Variants in FHIT observed in about 807,000 individuals in gnomAD.
FHIT encodes the protein fragile histidine triad diadenosine triphosphatase.
In FHIT, 19 loss-of-function variants were observed where a neutral mutation model predicts 17.9. The observed-to-expected ratio is 1.06, with a 90% CI of 0.74 to 1.56. FHIT has a LOEUF of 1.56. FHIT is among the 40% of genes most tolerant of loss of function. The probability of loss-of-function intolerance (pLI) is 0.00; values close to 1 mark genes in which losing one functional copy is unlikely to be tolerated. For missense variants in FHIT, 248 were observed against 189.2 expected (o/e 1.31, Z -1.82); for synonymous variants, 81 against 69.7 (o/e 1.16, Z -0.81).
intron 5 of FHIT, among the ~76,000 whole-genome samples, chr3:60,489,075 A>T (rs2033959600): frequency 6.6e-6 from 1 of 152,228 alleles, no homozygotes; most frequent in African/African-American, 2.4e-5. Context: ...AGTGCTAAAA[A>T]GTAGACATTT....
rs370214246 is a variant in FHIT at position 60,190,614 on chromosome 3, G to C, written c.104-176462C>G. 4.6e-5 allele frequency among the ~76,000 whole-genome samples: 7 copies of C among 151,984 alleles called. No individual in the cohort carries two copies. The East Asian group carries it at 5.8e-4, about 13-fold the overall frequency. ...AAATACAACATCACTGGGGACTGTTGTGGGGTGGGGGAGCAGGGAGGGATA... is the reference window on the plus strand; with the variant it reads ...AAATACAACATCACTGGGGACTGTTCTGGGGTGGGGGAGCAGGGAGGGATA... On this transcript the variant is annotated intron_variant, in intron 5 of 9. Transcript: ENST00000492590.
intron 3 of FHIT, among the ~76,000 whole-genome samples, chr3:60,889,726 A>G (rs1169937881): frequency 6.6e-6 from 1 of 152,344 alleles, no homozygotes; most frequent in Non-Finnish European, 1.5e-5. Context: ...TAGGCTCAAA[A>G]TAAATATTGA....
At chr3:60,234,498 A>C (rs1276930477) in intron 5 of FHIT, among the ~76,000 whole-genome samples, 1 of 152,174 alleles carries the variant, frequency 6.6e-6, no homozygotes, top group Non-Finnish European at 1.5e-5. Context: ...TTGTTGGCTT[A>C]TATGTAAGGA....
At chr3:60,453,957 T>A (rs1559927343) in intron 5 of FHIT, among the ~76,000 whole-genome samples, 1 of 151,892 alleles carries the variant, frequency 6.6e-6, no homozygotes. Context: ...GGGTCTTCAA[T>A]CTCTATGAGA....
At chr3:60,183,027 T>C (rs1576268437) in intron 5 of FHIT, among the ~76,000 whole-genome samples, 1 of 152,144 alleles carries the variant, frequency 6.6e-6, no homozygotes, top group East Asian at 1.9e-4. Context: ...AAAAAGGATA[T>C]GTAGTTCTTT....
chr3:59,860,366 G>A (rs1702354317), intron 8 of FHIT, among the ~76,000 whole-genome samples: 2 of 152,190 alleles, frequency 1.3e-5, no homozygotes, highest in African/African-American at 4.8e-5. Flanking sequence ...TATGCAAGGA[G>A]AAAAACTGAT....
intron 5 of FHIT, among the ~76,000 whole-genome samples, chr3:60,417,045 C>T (rs1161956926): frequency 6.6e-6 from 1 of 150,426 alleles, no homozygotes; most frequent in Non-Finnish European, 1.5e-5. Context: ...GCCGAGATCG[C>T]ACCACTGCAC....
At chr3:60,229,773 C>T (rs1021581457) in intron 5 of FHIT, among the ~76,000 whole-genome samples, 2 of 152,138 alleles carry the variant, frequency 1.3e-5, no homozygotes, top group African/African-American at 4.8e-5. Flanking sequence ...CATGGCCAGG[C>T]ATTGAAGACT....
intron 5 of FHIT, among the ~76,000 whole-genome samples, chr3:60,214,219 A>G (rs1028482027): frequency 6.6e-6 from 1 of 152,144 alleles, no homozygotes; most frequent in African/African-American, 2.4e-5. Flanking sequence ...CTTACAAACA[A>G]GCAACAAATT....
At chr3:59,975,788 T>C (rs17253376) in intron 7 of FHIT, among the ~76,000 whole-genome samples, 14,794 of 152,102 alleles carry the variant, frequency 0.097, 909 homozygotes, top group Admixed American at 0.14. Flanking sequence ...ACACTTCTTA[T>C]AGCAGATCTA....
intron 5 of FHIT, 22 bp downstream of exon 5, chr3:60,536,838 C>CAAA (rs751354648): frequency 1.3e-5 from 15 of 1,184,508 alleles, no homozygotes; most frequent in South Asian, 6.3e-5. Flanking sequence ...TTTCCCTCTC[C>CAAA]AAAAAAAAAA....
Position 59,749,219 on chromosome 3 carries a change from T to A in FHIT, c.*366A>T, listed in dbSNP as rs535466439. ...GGGAAGAAATAAGCAGGTGGACCAA[T>A]CCAACGATTGAATTTCCTTTAAAAA... On this transcript the variant is annotated 3_prime_UTR_variant, in exon 10 of 10. Coordinates refer to ENST00000492590, the MANE Select transcript of FHIT (RefSeq NM_002012.4). The A allele has an allele frequency of 8.7e-6, 2 of 230,290 alleles. No homozygotes were observed. The highest frequency in any genetic ancestry group is 1.7e-5 in the Non-Finnish European group (2 of 116,338). The allele number at this position is 230,290 out of a possible 1,614,324, so 14.3% of individuals were successfully genotyped here. A position where few individuals can be genotyped will look rare whatever the true frequency, so the allele number is the denominator to read the frequency against.
intron 5 of FHIT, among the ~76,000 whole-genome samples, chr3:60,183,910 CTAT>C (rs774895963): frequency 1.3e-5 from 2 of 152,194 alleles, no homozygotes; most frequent in Non-Finnish European, 2.9e-5. Flanking sequence ...CTAGTTTCCA[CTAT>C]TATTAGCAAC....
At chr3:60,700,241 C>T (rs1048299290) in intron 4 of FHIT, among the ~76,000 whole-genome samples, 3 of 151,298 alleles carry the variant, frequency 2.0e-5, no homozygotes, top group Non-Finnish European at 2.9e-5. Flanking sequence ...CTAAAAAAAA[C>T]AAAACAAAAA....
chr3:60,373,444 A>G (rs1700420731), intron 5 of FHIT, among the ~76,000 whole-genome samples: 1 of 152,200 alleles, frequency 6.6e-6, no homozygotes, highest in African/African-American at 2.4e-5. Context: ...AAGGCACGAT[A>G]GTGTGAGACT....
intron 5 of FHIT, among the ~76,000 whole-genome samples, chr3:60,271,523 C>A (rs62238538): frequency 0.13 from 19,041 of 152,192 alleles, 1,672 homozygotes; most frequent in Non-Finnish European, 0.18. Flanking sequence ...TGTTCATTAA[C>A]AAGTTAGGAA....
intron 5 of FHIT, among the ~76,000 whole-genome samples, chr3:60,104,597 C>T (rs9876422): frequency 0.033 from 5,022 of 151,318 alleles, 265 homozygotes; most frequent in African/African-American, 0.11. Context: ...GAAGAACAAT[C>T]ACCAAAAGAT....
At chr3:60,762,411 T>C (rs1454163587) in intron 4 of FHIT, among the ~76,000 whole-genome samples, 1 of 152,198 alleles carries the variant, frequency 6.6e-6, no homozygotes, top group African/African-American at 2.4e-5. Context: ...GATCCTTCCC[T>C]CTTTCTTCTG....
chr3:59,785,914 C>T (rs746151884), intron 8 of FHIT, among the ~76,000 whole-genome samples: 7 of 152,164 alleles, frequency 4.6e-5, no homozygotes, highest in Non-Finnish European at 7.3e-5. Context: ...TGAGTCAGTG[C>T]CCCACCTATG....
Sources: gnomAD v4.1 joint callset for allele counts (sites outside exome capture counted in the v4.1 genomes callset) on GRCh38, gnomAD v4.1.1 for gene constraint, MANE v1.5 for transcripts, NCBI Gene and HGNC (gene_info 2026-07-23, HGNC 2026-07-21) for gene names.